The following SNTB1 variants were observed in gnomAD, a reference collection of about 807,000 sequenced individuals.
SNTB1 encodes the protein beta-1-syntrophin.
SNTB1 carries 36 observed loss-of-function variants against 48.9 expected under a neutral mutation model. The observed-to-expected ratio is 0.74, with a 90% CI of 0.56 to 0.97. SNTB1 has a LOEUF of 0.97. Ranked by LOEUF, SNTB1 falls within the 50% of genes least tolerant of loss-of-function variation. The pLI is 0.00. For missense variants in SNTB1, 786 were observed against 703.4 expected, an observed-to-expected ratio of 1.12 and a Z score of -1.33; for synonymous variants, 299 against 294.6, an observed-to-expected ratio of 1.01 and a Z score of -0.15.
chr8:120,545,254 G>A (rs1016202276), intron 5 of SNTB1, among the ~76,000 whole-genome samples: 8 of 152,266 alleles, frequency 5.3e-5, no homozygotes, highest in African/African-American at 1.9e-4. Context: ...TGAGGCAAGA[G>A]AATCCCTTGA....
intron 1 of SNTB1, among the ~76,000 whole-genome samples, chr8:120,736,933 C>T (rs1220350350): frequency 6.6e-6 from 1 of 152,214 alleles, no homozygotes; most frequent in African/African-American, 2.4e-5. Context: ...CCATCTCTCT[C>T]TCTTTCCTTC....
chr8:120,566,788 G>A lies in SNTB1; in HGVS notation c.1136+8298C>T, dbSNP rs890767198. 2.4e-4 allele frequency among the ~76,000 whole-genome samples: 37 copies of A among 152,148 alleles called. 1 individual carries two copies. The highest frequency in any genetic ancestry group is 2.0e-4 in the Admixed American group (3 of 15,276). On this transcript the variant is annotated intron_variant, in intron 4 of 6. Coordinates refer to ENST00000517992, the MANE Select transcript of SNTB1 (RefSeq NM_021021.4). Reference sequence around the variant, plus strand: ...TTTAACAGTCCCAGATGGTGTTCCCGCTGCTGGGCAAGCCAGAAACTCTAG... The same window carrying A: ...TTTAACAGTCCCAGATGGTGTTCCCACTGCTGGGCAAGCCAGAAACTCTAG...
rs1009032658 is a variant in SNTB1, at chr8:120,628,040, G to A, written c.996+4404C>T. Among the ~76,000 whole-genome samples, 22 of 152,220 alleles carry A rather than the reference G, an allele frequency of 1.4e-4. 1 individual carries two copies. Among genetic ancestry groups the A allele is most frequent in the Middle Eastern group, 6.8e-3 (2 of 294 alleles). On this transcript the variant is annotated intron_variant, in intron 3 of 6. Transcript: ENST00000517992. ...CATGGGGAGGCACAACTACATAAAC[G>A]TTCCCATTTGAAAGAATACGAAATG...
intron 1 of SNTB1, among the ~76,000 whole-genome samples, chr8:120,719,332 T>C (rs1818615094): frequency 6.6e-6 from 1 of 152,196 alleles, no homozygotes; most frequent in African/African-American, 2.4e-5. Context: ...TGCTGGATGC[T>C]TCCTGCCCTA....
rs561522709 is a variant in SNTB1, at chr8:120,782,163, T to C, written c.571+29110A>G. Among the ~76,000 whole-genome samples the C allele has an allele frequency of 1.8e-4, 28 of 152,316 alleles. No homozygotes were observed. In the East Asian group the frequency reaches 4.6e-3, roughly 25 times the overall value. On this transcript the variant is annotated intron_variant, in intron 1 of 6. Transcript: ENST00000517992. Reference sequence around the variant, plus strand: ...GGTCTTCCCTCCATGCATGTCTGTGTGTTCAAATTTCCCCTTTTTATAAGA... The same window carrying C: ...GGTCTTCCCTCCATGCATGTCTGTGCGTTCAAATTTCCCCTTTTTATAAGA...
chr8:120,807,849 A>C (rs1820361087), intron 1 of SNTB1, among the ~76,000 whole-genome samples: 2 of 152,210 alleles, frequency 1.3e-5, no homozygotes, highest in Non-Finnish European at 2.9e-5. Context: ...TTAAAAGTAT[A>C]AGCTTTCATA....
At chr8:120,543,479 T>A (rs1306767252) in intron 5 of SNTB1, among the ~76,000 whole-genome samples, 1 of 152,132 alleles carries the variant, frequency 6.6e-6, no homozygotes, top group African/African-American at 2.4e-5. Flanking sequence ...CCCAATATTA[T>A]AGGTGGAAAA....
intron 1 of SNTB1, among the ~76,000 whole-genome samples, chr8:120,799,299 T>C (rs954332707): frequency 6.6e-6 from 1 of 151,990 alleles, no homozygotes; most frequent in African/African-American, 2.4e-5. Flanking sequence ...AATCTCAAAA[T>C]AGATGAAATT....
Position 120,684,174 on chromosome 8 carries a change from G to A in SNTB1, c.788+9518C>T, listed in dbSNP as rs190559840. ...GGCACCCTTGGGCTCTTTTATAAAG[G>A]CACTAATCCTGTTCATGAGGATGGA... On this transcript the variant is annotated intron_variant, in intron 2 of 6. Coordinates refer to ENST00000517992, the MANE Select transcript of SNTB1 (RefSeq NM_021021.4). 1.3e-4 allele frequency among the ~76,000 whole-genome samples: 20 copies of A among 152,208 alleles called. No homozygotes were observed. The East Asian group carries it at 2.9e-3, about 22-fold the overall frequency.
chr8:120,806,691 T>C (rs913141386), intron 1 of SNTB1, among the ~76,000 whole-genome samples: 1 of 152,164 alleles, frequency 6.6e-6, no homozygotes, highest in Non-Finnish European at 1.5e-5. Context: ...CTCCCTATGC[T>C]TTCCAGTAAA....
At chr8:120,604,659 C>A (rs1277444870) in intron 3 of SNTB1, among the ~76,000 whole-genome samples, 3 of 152,114 alleles carry the variant, frequency 2.0e-5, no homozygotes, top group Non-Finnish European at 4.4e-5. Flanking sequence ...CCATGTTGGG[C>A]AGTCTTGTCT....
At chr8:120,800,107 A>T (rs1436796868) in intron 1 of SNTB1, among the ~76,000 whole-genome samples, 2 of 152,008 alleles carry the variant, frequency 1.3e-5, no homozygotes, top group Non-Finnish European at 2.9e-5. Context: ...AAATTGTAAA[A>T]CATTCCCTGG....
chr8:120,795,209 G>C (rs1820103105), intron 1 of SNTB1, among the ~76,000 whole-genome samples: 1 of 151,402 alleles, frequency 6.6e-6, no homozygotes, highest in Non-Finnish European at 1.5e-5. Context: ...CAGTTGCATA[G>C]GTATCAGATT....
chr8:120,651,141 T>C (rs530619840), intron 2 of SNTB1, among the ~76,000 whole-genome samples: 2 of 152,274 alleles, frequency 1.3e-5, no homozygotes, highest in African/African-American at 4.8e-5. Flanking sequence ...TAAAATTGTA[T>C]TGTATTGGTC....
chr8:120,547,592 CAAAA>C (rs11289979), intron 5 of SNTB1, among the ~76,000 whole-genome samples: 10 of 89,068 alleles, frequency 1.1e-4, no homozygotes, highest in Non-Finnish European at 2.1e-4. Flanking sequence ...AACACTGTCT[CAAAA>C]AAAAAAAAAA....
intron 3 of SNTB1, among the ~76,000 whole-genome samples, chr8:120,628,771 A>T (rs144145642): frequency 0.012 from 1,820 of 152,100 alleles, 22 homozygotes; most frequent in Non-Finnish European, 0.017. Context: ...AAAAAAAAAG[A>T]AAGAGTTGAG....
At chr8:120,564,038 G>A (rs1364696606) in intron 4 of SNTB1, among the ~76,000 whole-genome samples, 1 of 151,912 alleles carries the variant, frequency 6.6e-6, no homozygotes, top group East Asian at 1.9e-4. Flanking sequence ...AACCTGGGAG[G>A]CGGAGGTTGC....
At chr8:120,692,139 CAGG>C (rs1460605763) in intron 2 of SNTB1, among the ~76,000 whole-genome samples, 11 of 152,250 alleles carry the variant, frequency 7.2e-5, no homozygotes, top group Middle Eastern at 3.4e-3. Flanking sequence ...ATAACTAATA[CAGG>C]AGGAGTAGGG....
At chr8:120,705,646 C>A (rs1563856697) in intron 1 of SNTB1, among the ~76,000 whole-genome samples, 1 of 152,184 alleles carries the variant, frequency 6.6e-6, no homozygotes, top group African/African-American at 2.4e-5. Context: ...TTTCTAAAAT[C>A]TCTTCAAGTT....
Sources: allele counts gnomAD v4.1 joint callset (sites outside exome capture counted in the v4.1 genomes callset), GRCh38; gene constraint gnomAD v4.1.1; transcripts MANE v1.5; gene names NCBI Gene and HGNC (gene_info 2026-07-23, HGNC 2026-07-21).